The following SNX27 variants were observed in gnomAD, a reference collection of about 807,000 sequenced individuals.
SNX27 encodes sorting nexin 27.
A neutral mutation model predicts 71.6 loss-of-function variants in SNX27; 22 were observed. The observed-to-expected ratio is 0.31, with a 90% confidence interval of 0.22 to 0.44. The LOEUF (loss-of-function observed/expected upper bound fraction) is 0.44. Among genes scored for constraint, SNX27 ranks in the 20% least tolerant of loss-of-function variants. The pLI is 1.00. For synonymous variants in SNX27, 269 were observed against 277.2 expected, an observed-to-expected ratio of 0.97 and a Z score of 0.29; for missense variants, 531 against 698.6, an observed-to-expected ratio of 0.76 and a Z score of 2.70.
chr1:151,693,044 G>A lies in SNX27; in HGVS notation c.1518+5G>A. 6.2e-7 allele frequency: 1 copy of A among 1,605,882 alleles called. No homozygotes were observed. The highest frequency in any genetic ancestry group is 8.5e-7 in the Non-Finnish European group (1 of 1,177,590). Reference sequence around the variant, plus strand: ...GTTAAAATCTTCACGCCATATGTGAGTGCAATTTGGGGAAAGTAACTGGGA... The same window carrying A: ...GTTAAAATCTTCACGCCATATGTGAATGCAATTTGGGGAAAGTAACTGGGA... On this transcript the variant is annotated splice_donor_5th_base_variant and intron_variant, in intron 10 of 11. Transcript: ENST00000458013.
intron 7 of SNX27, chr1:151,677,040 A>G (rs924878407): frequency 6.6e-6 from 1 of 151,926 alleles, no homozygotes; most frequent in Non-Finnish European, 1.5e-5. Context: ...TATTGTTTCT[A>G]TATAATATAT....
chr1:151,624,409 T>TTATATATATATATA (rs10577800), intron 1 of SNX27, among the ~76,000 whole-genome samples: 28 of 129,772 alleles, frequency 2.2e-4, no homozygotes, highest in South Asian at 1.7e-3. Context: ...TAGCTTGATT[T>TTATATATATATATA]TATATATATA....
At chr1:151,648,215 A>C (rs1571810856) in intron 2 of SNX27, among the ~76,000 whole-genome samples, 1 of 151,902 alleles carries the variant, frequency 6.6e-6, no homozygotes, top group East Asian at 1.9e-4. Flanking sequence ...CACCACGCCC[A>C]GCTCATTTTT....
rs536521731 is a variant in SNX27, at chr1:151,675,949, C to G, written c.1149+7314C>G. On this transcript the variant is annotated intron_variant, in intron 7 of 11. Coordinates refer to ENST00000458013, the MANE Select transcript of SNX27 (RefSeq NM_001330723.2). The stretch of plus-strand genomic sequence containing the variant: ...TCAGGTGATCCTGCCACCTTAGCCT[C>G]CCAAGTAGCTAGAACTACAGGTGCT... 5.4e-5 allele frequency: 8 copies of G among 147,536 alleles called. No individual in the cohort carries two copies. The Admixed American group carries it at 5.5e-4, about 10-fold the overall frequency. The allele number at this position is 147,536 out of a possible 1,614,324, so 9.1% of individuals were successfully genotyped here.
rs561239837 is a variant in SNX27 at position 151,694,284 on chromosome 1, A to G, written c.1579-86A>G. Reference sequence around the variant, plus strand: ...GCCAATCAGATTGAGTCATCCAGGCATACCTTTTTAGCTTCTGTTTGTGGA... The same window carrying G: ...GCCAATCAGATTGAGTCATCCAGGCGTACCTTTTTAGCTTCTGTTTGTGGA... On this transcript the variant is annotated intron_variant, in intron 11 of 11. Transcript: ENST00000458013. The G allele has an allele frequency of 1.8e-5, 28 of 1,536,822 alleles. No homozygotes were observed. The South Asian group carries it at 2.8e-4, about 15-fold the overall frequency.
intron 1 of SNX27, among the ~76,000 whole-genome samples, chr1:151,632,950 C>T (rs1668307018): frequency 6.6e-6 from 1 of 152,080 alleles, no homozygotes; most frequent in African/African-American, 2.4e-5. Flanking sequence ...CAGCTCACTG[C>T]AAGCTCCACC....
chr1:151,693,373 T>C (rs1392175748), intron 10 of SNX27, 51 bp from the exon 11 acceptor site: 1 of 1,561,866 alleles, frequency 6.4e-7, no homozygotes, highest in East Asian at 2.3e-5. Flanking sequence ...GGCACAGTCC[T>C]GAGATGCCTG....
At chr1:151,682,572 C>T (rs1257493359) in intron 7 of SNX27, among the ~76,000 whole-genome samples, 1 of 152,158 alleles carries the variant, frequency 6.6e-6, no homozygotes, top group African/African-American at 2.4e-5. Context: ...TCACCCGCCT[C>T]AGCCTCCCAA....
At chr1:151,637,264 C>T (rs1382166876) in intron 1 of SNX27, among the ~76,000 whole-genome samples, 1 of 151,524 alleles carries the variant, frequency 6.6e-6, no homozygotes, top group Non-Finnish European at 1.5e-5. Context: ...CTGCAAGCTC[C>T]GCCTGCCGGG....
chr1:151,650,710 A>G (rs1250403766), intron 2 of SNX27, among the ~76,000 whole-genome samples: 1 of 152,094 alleles, frequency 6.6e-6, no homozygotes, highest in Non-Finnish European at 1.5e-5. Context: ...AAACAAGTGA[A>G]CAAAGGTCTC....
intron 8 of SNX27, among the ~76,000 whole-genome samples, chr1:151,686,975 G>A (rs1212086351): frequency 6.6e-6 from 1 of 152,212 alleles, no homozygotes. Context: ...TTCAAATACA[G>A]AAGAGAGCTC....
At chr1:151,661,921 C>T (rs1669979813) in intron 4 of SNX27, among the ~76,000 whole-genome samples, 1 of 152,184 alleles carries the variant, frequency 6.6e-6, no homozygotes, top group Non-Finnish European at 1.5e-5. Flanking sequence ...ACGCAAGTTT[C>T]CTGTTTTGAA....
At chr1:151,624,254 C>G (rs1009115677) in intron 1 of SNX27, among the ~76,000 whole-genome samples, 1 of 151,978 alleles carries the variant, frequency 6.6e-6, no homozygotes, top group Non-Finnish European at 1.5e-5. Context: ...GAGTGAGCCA[C>G]CTCACCTGGC....
At chr1:151,678,608 A>G (rs906045432) in intron 7 of SNX27, 3 of 152,190 alleles carry the variant, frequency 2.0e-5, no homozygotes, top group Non-Finnish European at 2.9e-5. Flanking sequence ...ATATACCCAG[A>G]AGTGGGATTA....
intron 2 of SNX27, among the ~76,000 whole-genome samples, chr1:151,643,354 G>T (rs1024824499): frequency 6.6e-6 from 1 of 151,672 alleles, no homozygotes; most frequent in Non-Finnish European, 1.5e-5. Context: ...GAATGCAGTG[G>T]TGCGATCTCG....
chr1:151,642,026 G>T (rs1030842338), intron 2 of SNX27, among the ~76,000 whole-genome samples: 3 of 144,382 alleles, frequency 2.1e-5, no homozygotes, highest in African/African-American at 5.1e-5. Flanking sequence ...ATATATATGA[G>T]ATATATATAT....
chr1:151,636,005 A>T (rs557025364), intron 1 of SNX27, among the ~76,000 whole-genome samples: 1 of 152,160 alleles, frequency 6.6e-6, no homozygotes, highest in South Asian at 2.1e-4. Flanking sequence ...ATTGAAAGCA[A>T]TAGTTCTGAA....
chr1:151,693,152 A>C lies in SNX27; in HGVS notation c.1518+113A>C. The stretch of plus-strand genomic sequence containing the variant: ...GAGCTAGTAGTTGTCTTGAGATCCG[A>C]ACCTGTTTGAATCCTGGAGCCCCCA... On this transcript the variant is annotated intron_variant, in intron 10 of 11. Transcript: ENST00000458013. The C allele has an allele frequency of 2.1e-6, 3 of 1,431,414 alleles. No individual in the cohort carries two copies. The Admixed American group carries it at 6.2e-5, about 30-fold the overall frequency. 88.7% of individuals were successfully genotyped at this position (1,431,414 alleles called of 1,614,324 possible).
intron 2 of SNX27, among the ~76,000 whole-genome samples, chr1:151,656,985 A>G (rs1571830379): frequency 1.3e-5 from 2 of 152,222 alleles, no homozygotes; most frequent in African/African-American, 4.8e-5. Flanking sequence ...AAAGAAAAGC[A>G]AGGGAATCAT....
Sources: gnomAD v4.1 joint callset for allele counts (sites outside exome capture counted in the v4.1 genomes callset) on GRCh38, gnomAD v4.1.1 for gene constraint, MANE v1.5 for transcripts, NCBI Gene and HGNC (gene_info 2026-07-23, HGNC 2026-07-21) for gene names.